Variants in HS3ST4 observed in about 807,000 individuals in gnomAD.
HS3ST4 encodes heparan sulfate-glucosamine 3-sulfotransferase 4.
A neutral mutation model predicts 29.2 loss-of-function variants in HS3ST4; 17 were observed. The observed-to-expected ratio is 0.58, with a 90% CI of 0.40 to 0.87. The LOEUF (loss-of-function observed/expected upper bound fraction) is 0.87, where lower values mean the gene tolerates loss of function less well. Among genes scored for constraint, HS3ST4 ranks in the 40% least tolerant of loss-of-function variants. HS3ST4 has a pLI of 0.00. For synonymous variants in HS3ST4, 314 were observed against 285.7 expected, an observed-to-expected ratio of 1.10 and a Z score of -1.00; for missense variants, 627 against 634.5, an observed-to-expected ratio of 0.99 and a Z score of 0.13.
At chr16:25,937,411 C>T (rs972404743) in intron 1 of HS3ST4, among the ~76,000 whole-genome samples, 3 of 152,132 alleles carry the variant, frequency 2.0e-5, no homozygotes, top group African/African-American at 7.2e-5. Context: ...TTGAGCTGAA[C>T]ATTTTCTCAT....
At position 26,109,125 on chromosome 16, in the gene HS3ST4, A is replaced by G. The variant is rs536845328; in HGVS notation, c.735-26487A>G. ...TAGAAGAAAAAGAAATGCTCGTTCA[A>G]TGCACTCTCCGGCAAAATGAACTGA... On this transcript the variant is annotated intron_variant, in intron 1 of 1. Transcript: ENST00000331351. Among the ~76,000 whole-genome samples the G allele has an allele frequency of 5.3e-5, 8 of 152,324 alleles. No individual in the cohort carries two copies. In the East Asian group the frequency reaches 1.3e-3, roughly 26 times the overall value.
chr16:25,721,299 G>T (rs1335543284), intron 1 of HS3ST4, among the ~76,000 whole-genome samples: 1 of 152,150 alleles, frequency 6.6e-6, no homozygotes, highest in African/African-American at 2.4e-5. Flanking sequence ...TGTAAGTCCT[G>T]TCTAACCTTA....
chr16:26,105,176 C>T (rs781327994), intron 1 of HS3ST4, among the ~76,000 whole-genome samples: 1 of 152,090 alleles, frequency 6.6e-6, no homozygotes, highest in South Asian at 2.1e-4. Flanking sequence ...TAGAAAAGAA[C>T]AAAATCATGT....
chr16:25,838,444 A>G (rs1210190714), intron 1 of HS3ST4, among the ~76,000 whole-genome samples: 1 of 152,190 alleles, frequency 6.6e-6, no homozygotes, highest in African/African-American at 2.4e-5. Context: ...TTCAGCTCTC[A>G]AGGAGCTCAG....
intron 1 of HS3ST4, among the ~76,000 whole-genome samples, chr16:25,885,636 C>A (rs1413874221): frequency 6.6e-6 from 1 of 152,102 alleles, no homozygotes; most frequent in Non-Finnish European, 1.5e-5. Context: ...TGGTCACCTT[C>A]ACAAATTTTT....
At chr16:25,911,496 G>GTTTTT (rs542274531) in intron 1 of HS3ST4, among the ~76,000 whole-genome samples, 26 of 82,010 alleles carry the variant, frequency 3.2e-4, no homozygotes, top group African/African-American at 1.1e-3. Flanking sequence ...CCGTTGTGTG[G>GTTTTT]TTTTTTTTTT....
intron 1 of HS3ST4, among the ~76,000 whole-genome samples, chr16:25,877,168 T>C (rs886474331): frequency 2.0e-5 from 3 of 152,206 alleles, no homozygotes; most frequent in Admixed American, 6.6e-5. Flanking sequence ...CTAACATGGC[T>C]CCTCCTACTC....
At chr16:26,113,328 C>T (rs1386695984) in intron 1 of HS3ST4, among the ~76,000 whole-genome samples, 1 of 151,766 alleles carries the variant, frequency 6.6e-6, no homozygotes, top group Non-Finnish European at 1.5e-5. Context: ...CACCTGTAAT[C>T]CCAGCTACTT....
chr16:26,034,380 A>G (rs1969563583), intron 1 of HS3ST4, among the ~76,000 whole-genome samples: 2 of 152,188 alleles, frequency 1.3e-5, no homozygotes, highest in Non-Finnish European at 2.9e-5. Context: ...ATAGTCAGTC[A>G]TTCAGTACAC....
chr16:25,822,928 G>T (rs2141634505), intron 1 of HS3ST4, among the ~76,000 whole-genome samples: 1 of 152,148 alleles, frequency 6.6e-6, no homozygotes, highest in South Asian at 2.1e-4. Context: ...AGTAGAGAAA[G>T]GATTTCCCTA....
intron 1 of HS3ST4, among the ~76,000 whole-genome samples, chr16:26,004,110 T>C (rs1431690851): frequency 3.9e-5 from 6 of 152,182 alleles, no homozygotes; most frequent in Admixed American, 1.3e-4. Flanking sequence ...GGAAAGGAGA[T>C]AAATGCACGT....
chr16:26,022,126 C>T (rs1969418872), intron 1 of HS3ST4, among the ~76,000 whole-genome samples: 1 of 152,076 alleles, frequency 6.6e-6, no homozygotes, highest in Non-Finnish European at 1.5e-5. Flanking sequence ...CCATGCCTGG[C>T]TAGTTTTTTA....
At chr16:25,821,295 G>A (rs907769647) in intron 1 of HS3ST4, among the ~76,000 whole-genome samples, 4 of 152,030 alleles carry the variant, frequency 2.6e-5, no homozygotes, top group African/African-American at 4.8e-5. Context: ...CTGACCTCGT[G>A]ATCCACCTGC....
At position 25,902,792 on chromosome 16, in the gene HS3ST4, C is replaced by CA. The variant is rs372161667; in HGVS notation, c.734+209649dup. Among the ~76,000 whole-genome samples the CA allele has an allele frequency of 8.4e-3, 1,268 of 151,352 alleles. 25 individuals carry two copies. Among genetic ancestry groups the CA allele is most frequent in the African/African-American group, 0.029 (1,187 of 41,254 alleles). On this transcript the variant is annotated intron_variant, in intron 1 of 1. Coordinates refer to ENST00000331351, the MANE Select transcript of HS3ST4 (RefSeq NM_006040.3). ...AGCATTAAAAACAAAAAAAACAGAA[C>CA]AAAAAAAACAACGTCTGGCGGATGC...
chr16:25,966,218 A>C (rs1968840965), intron 1 of HS3ST4, among the ~76,000 whole-genome samples: 1 of 152,122 alleles, frequency 6.6e-6, no homozygotes, highest in Non-Finnish European at 1.5e-5. Context: ...AAAACAATAG[A>C]GCTGGCTGTT....
At chr16:25,712,310 C>T (rs1047353620) in intron 1 of HS3ST4, among the ~76,000 whole-genome samples, 4 of 152,050 alleles carry the variant, frequency 2.6e-5, no homozygotes, top group African/African-American at 9.7e-5. Context: ...TTACTTGAGT[C>T]AAGGGGTTTG....
intron 1 of HS3ST4, among the ~76,000 whole-genome samples, chr16:26,098,469 C>A (rs1267619572): frequency 6.6e-6 from 1 of 152,104 alleles, no homozygotes; most frequent in African/African-American, 2.4e-5. Flanking sequence ...TCATTCTCAG[C>A]AAACTATCAC....
At chr16:25,931,627 C>T (rs1427915433) in intron 1 of HS3ST4, among the ~76,000 whole-genome samples, 1 of 152,160 alleles carries the variant, frequency 6.6e-6, no homozygotes, top group Non-Finnish European at 1.5e-5. Flanking sequence ...AGGATGGAGA[C>T]AAGAAATAGC....
chr16:25,888,387 G>A (rs1967976127), intron 1 of HS3ST4, among the ~76,000 whole-genome samples: 2 of 152,204 alleles, frequency 1.3e-5, no homozygotes, highest in African/African-American at 4.8e-5. Context: ...CGTTTCTCTG[G>A]CCTGATTTTA....
Sources: gnomAD v4.1 joint callset for allele counts (sites outside exome capture counted in the v4.1 genomes callset) on GRCh38, gnomAD v4.1.1 for gene constraint, MANE v1.5 for transcripts, NCBI Gene and HGNC (gene_info 2026-07-23, HGNC 2026-07-21) for gene names.